Variants in FMN1 observed in about 807,000 individuals in gnomAD.
FMN1 encodes formin-1.
FMN1 carries 110 observed loss-of-function variants against 132.4 expected under a neutral mutation model. The ratio of observed to expected loss-of-function variants is 0.83; its 90% CI spans 0.71 to 0.97. FMN1 has a LOEUF of 0.97. Ranked by LOEUF, FMN1 falls within the 50% of genes least tolerant of loss-of-function variation. FMN1 has a pLI of 0.00. For synonymous variants in FMN1, 722 were observed against 651.7 expected, an observed-to-expected ratio of 1.11 and a Z score of -1.64; for missense variants, 1,792 against 1,705.3, an observed-to-expected ratio of 1.05 and a Z score of -0.90.
intron 9 of FMN1, among the ~76,000 whole-genome samples, chr15:32,956,960 C>A (rs1431173841): frequency 6.6e-6 from 1 of 152,100 alleles, no homozygotes; most frequent in Non-Finnish European, 1.5e-5. Context: ...CCAAAGTGAC[C>A]AAATTACAAT....
intron 17 of FMN1, among the ~76,000 whole-genome samples, chr15:32,839,531 C>T (rs942641022): frequency 5.3e-5 from 8 of 152,048 alleles, no homozygotes; most frequent in Non-Finnish European, 1.0e-4. Context: ...AGCCATTAGC[C>T]AGGAAATGCT....
intron 16 of FMN1, among the ~76,000 whole-genome samples, chr15:32,862,726 A>G (rs1393286147): frequency 6.6e-6 from 1 of 152,230 alleles, no homozygotes; most frequent in Admixed American, 6.5e-5. Flanking sequence ...TTGTAAATCA[A>G]ATGTATGTGG....
intron 6 of FMN1, among the ~76,000 whole-genome samples, chr15:33,050,896 G>C (rs1024102897): frequency 6.6e-6 from 1 of 152,216 alleles, no homozygotes; most frequent in Non-Finnish European, 1.5e-5. Context: ...AAGAGGGAGA[G>C]TGCCCTGTAT....
chr15:32,912,855 T>C (rs1449560200), intron 10 of FMN1, among the ~76,000 whole-genome samples: 1 of 152,120 alleles, frequency 6.6e-6, no homozygotes, highest in Non-Finnish European at 1.5e-5. Flanking sequence ...CTAATACCAC[T>C]TAGTGAAAAT....
intron 11 of FMN1, among the ~76,000 whole-genome samples, chr15:32,910,268 A>G (rs1374642053): frequency 2.0e-5 from 3 of 152,180 alleles, no homozygotes; most frequent in African/African-American, 4.8e-5. Flanking sequence ...CAAGTGTGCA[A>G]TGAGATCTGC....
intron 4 of FMN1, among the ~76,000 whole-genome samples, chr15:33,118,325 G>A (rs555631498): frequency 3.5e-4 from 54 of 152,128 alleles, no homozygotes; most frequent in African/African-American, 1.3e-3. Context: ...GGTACCCTTG[G>A]AACAGTTGAT....
At chr15:33,124,672 G>T (rs1190353065) in intron 4 of FMN1, among the ~76,000 whole-genome samples, 1 of 152,018 alleles carries the variant, frequency 6.6e-6, no homozygotes, top group Admixed American at 6.6e-5. Flanking sequence ...AAATATCTGA[G>T]ATTATTCCTT....
intron 3 of FMN1, among the ~76,000 whole-genome samples, chr15:33,155,720 C>T (rs1044028699): frequency 6.6e-6 from 1 of 151,654 alleles, no homozygotes; most frequent in African/African-American, 2.4e-5. Context: ...GTTGTCTATT[C>T]GAAGCCAAAT....
chr15:33,110,404 C>A (rs1347305574), intron 4 of FMN1, among the ~76,000 whole-genome samples: 1 of 151,928 alleles, frequency 6.6e-6, no homozygotes, highest in African/African-American at 2.4e-5. Flanking sequence ...AGTAAAAAGA[C>A]TGGAAATAAA....
At chr15:33,071,266 G>C (rs996428351) in intron 5 of FMN1, among the ~76,000 whole-genome samples, 1 of 152,140 alleles carries the variant, frequency 6.6e-6, no homozygotes, top group Non-Finnish European at 1.5e-5. Context: ...GGAGAGAGAG[G>C]AAAGAAAAAT....
intron 7 of FMN1, among the ~76,000 whole-genome samples, chr15:32,982,308 T>C (rs974739117): frequency 6.6e-6 from 1 of 152,136 alleles, no homozygotes; most frequent in Non-Finnish European, 1.5e-5. Flanking sequence ...ACTCTCAGAT[T>C]GCTGATGGGA....
intron 2 of FMN1, among the ~76,000 whole-genome samples, chr15:33,188,518 C>G (rs1274469816): frequency 6.6e-6 from 1 of 152,056 alleles, no homozygotes; most frequent in Admixed American, 6.5e-5. Context: ...GCAGAAGGTC[C>G]CTGCACAACT....
At chr15:32,951,098 C>G (rs1057325376) in intron 9 of FMN1, among the ~76,000 whole-genome samples, 1 of 151,898 alleles carries the variant, frequency 6.6e-6, no homozygotes, top group Non-Finnish European at 1.5e-5. Context: ...AATAAAGAAA[C>G]CAACCTAAAA....
chr15:33,151,121 A>G, intron 4 of FMN1: 2 of 1,411,498 alleles, frequency 1.4e-6, no homozygotes, highest in Non-Finnish European at 1.8e-6. Flanking sequence ...GGAACTAGAC[A>G]GAGGATACAA....
intron 4 of FMN1, chr15:33,151,305 G>A: frequency 7.2e-6 from 11 of 1,536,360 alleles, no homozygotes; most frequent in Non-Finnish European, 8.7e-6. Flanking sequence ...TCTTTTATAA[G>A]GTTAGAAGCA....
chr15:33,051,559 C>T (rs780621164), intron 6 of FMN1, among the ~76,000 whole-genome samples: 1 of 152,162 alleles, frequency 6.6e-6, no homozygotes, highest in Admixed American at 6.5e-5. Flanking sequence ...ATATAAACAC[C>T]TGAAACTGGT....
At chr15:33,023,022 G>C (rs1449958925) in intron 6 of FMN1, among the ~76,000 whole-genome samples, 2 of 146,218 alleles carry the variant, frequency 1.4e-5, no homozygotes, top group Non-Finnish European at 1.5e-5. Context: ...ACTCCAGCCT[G>C]GGTGACAGAG....
chr15:32,862,708 T>TA (rs796415914), intron 16 of FMN1, among the ~76,000 whole-genome samples: 7 of 152,372 alleles, frequency 4.6e-5, no homozygotes, highest in African/African-American at 1.7e-4. Flanking sequence ...CAAATACGTT[T>TA]AATTGCTTTG....
intron 9 of FMN1, among the ~76,000 whole-genome samples, chr15:32,957,374 T>C (rs2029925789): frequency 7.0e-6 from 1 of 142,290 alleles, no homozygotes; most frequent in Non-Finnish European, 1.5e-5. Context: ...GATTTCTGGC[T>C]CCTTGTCAAG....
Sources: gnomAD v4.1 joint callset for allele counts (sites outside exome capture counted in the v4.1 genomes callset) on GRCh38, gnomAD v4.1.1 for gene constraint, MANE v1.5 for transcripts, NCBI Gene and HGNC (gene_info 2026-07-23, HGNC 2026-07-21) for gene names.